The following PRMT1 variants were observed in gnomAD, a reference collection of about 807,000 sequenced individuals.
PRMT1 encodes the protein protein arginine N-methyltransferase 1.
Under a neutral mutation model 47.4 loss-of-function variants are expected in PRMT1, and 5 were observed. The ratio of observed to expected loss-of-function variants is 0.11; its 90% CI spans 0.06 to 0.22. The LOEUF is 0.22. Among genes scored for constraint, PRMT1 ranks in the 10% least tolerant of loss-of-function variants. The pLI is 1.00. For missense variants in PRMT1, 249 were observed against 518.4 expected (o/e 0.48, Z 5.05); for synonymous variants, 227 against 204.6 (o/e 1.11, Z -0.94).
At chr19:49,677,670 G>A (rs2082056803) in intron 1 of PRMT1, 1 of 198,274 alleles carries the variant, frequency 5.0e-6, no homozygotes, top group Non-Finnish European at 1.0e-5. Context: ...CCCCGCCCCC[G>A]GCCGGGGAGG....
chr19:49,680,332 T>A lies in PRMT1; in HGVS notation c.91-155T>A. On this transcript the variant is annotated intron_variant, in intron 2 of 10. Transcript: ENST00000454376. This position sits in a 1 kb window ranked among gnomAD's most constrained non-coding sequence, Gnocchi z 4.2. ...TGGGGTTGTTAGGTTTTGGGGTTCC[T>A]GGGGGGGCAAGATGGCAGGCGGGGG... 1 of 993,984 alleles carries A rather than the reference T, an allele frequency of 1.0e-6. No homozygotes were observed. The highest frequency in any genetic ancestry group is 1.7e-5 in the African/African-American group (1 of 59,826). 61.6% of individuals were successfully genotyped at this position (993,984 alleles called of 1,614,324 possible).
At position 49,680,619 on chromosome 19, in the gene PRMT1, C is replaced by T. The variant is rs2082102952; in HGVS notation, c.192+31C>T. On this transcript the variant is annotated intron_variant, in intron 3 of 10. Transcript: ENST00000454376. This position sits in a 1 kb window ranked among gnomAD's most constrained non-coding sequence, Gnocchi z 4.2. ...TGGGGACAGTCCCCAAGGCCCCAAT[C>T]TTAGGGGGGCTTAAATGTTGGGGAA... 6.7e-7 allele frequency: 1 copy of T among 1,499,410 alleles called. No individual in the cohort carries two copies. Among genetic ancestry groups the T allele is most frequent in the Non-Finnish European group, 9.3e-7 (1 of 1,076,410 alleles). The allele number at this position is 1,499,410 out of a possible 1,614,324, so 92.9% of individuals were successfully genotyped here. A position where few individuals can be genotyped will look rare whatever the true frequency, so the allele number is the denominator to read the frequency against.
chr19:49,686,875 A>C, intron 10 of PRMT1, 149 bp downstream of exon 10: 5 of 1,051,154 alleles, frequency 4.8e-6, no homozygotes, highest in East Asian at 2.7e-5. Flanking sequence ...GGGGGCGAGC[A>C]CCTCTGCCTA....
chr19:49,676,464 G>A (rs572166489), upstream of PRMT1: 1 of 152,358 alleles, frequency 6.6e-6, no homozygotes, highest in Non-Finnish European at 1.5e-5. Flanking sequence ...CAGGGGGAGG[G>A]ACTTGGCAAA....
At position 49,684,621 on chromosome 19, in the gene PRMT1, CA is replaced by C. The variant is rs1035722421; in HGVS notation, c.556-132del. 2.0e-4 allele frequency: 208 copies of C among 1,064,866 alleles called. No homozygotes were observed. The highest frequency in any genetic ancestry group is 9.9e-5 in the Non-Finnish European group (73 of 733,888). The allele number at this position is 1,064,866 out of a possible 1,614,324, so 66.0% of individuals were successfully genotyped here. ...TCTGGCGGCCGTGTGGGAAATAGAC[CA>C]GGGGGCGAGGGGTGAGTGCCGCTGC... is the stretch of plus-strand genomic sequence containing the variant. On this transcript the variant is annotated intron_variant, in intron 6 of 10. Transcript: ENST00000454376. This position sits in a 1 kb window ranked among gnomAD's most constrained non-coding sequence, Gnocchi z 6.2.
In PRMT1 at chr19:49,685,818, C is replaced by T; in HGVS notation, c.760-275C>T. 4 of 1,259,286 alleles carry T rather than the reference C, an allele frequency of 3.2e-6. No homozygotes were observed. The highest frequency in any genetic ancestry group is 4.0e-6 in the Non-Finnish European group (4 of 997,712). The allele number at this position is 1,259,286 out of a possible 1,614,324, so 78.0% of individuals were successfully genotyped here. A position where few individuals can be genotyped will look rare whatever the true frequency, so the allele number is the denominator to read the frequency against. ...GGGAGACAGTGGAGTGGGGCGCCTG[C>T]ATTCTAGGAGGTCTGGACAGAGTTA... is the stretch of plus-strand genomic sequence containing the variant. On this transcript the variant is annotated intron_variant, in intron 8 of 10. Coordinates refer to ENST00000454376, the MANE Select transcript of PRMT1 (RefSeq NM_001536.6). The surrounding 1 kb of genome is among the most constrained non-coding windows in gnomAD (Gnocchi z 4.7).
rs763604513 is a variant in PRMT1, at chr19:49,684,643, G to T, written c.556-111G>T. 19 of 1,246,720 alleles carry T rather than the reference G, an allele frequency of 1.5e-5. No homozygotes were observed. In the East Asian group the frequency reaches 4.6e-4, roughly 30 times the overall value. The allele number at this position is 1,246,720 out of a possible 1,614,324, so 77.2% of individuals were successfully genotyped here. A position where few individuals can be genotyped will look rare whatever the true frequency, so the allele number is the denominator to read the frequency against. ...GACCAGGGGGCGAGGGGTGAGTGCC[G>T]CTGCGACATGAGGGTGGCCCAGACC... is the stretch of plus-strand genomic sequence containing the variant. On this transcript the variant is annotated intron_variant, in intron 6 of 10. Transcript: ENST00000454376. This position sits in a 1 kb window ranked among gnomAD's most constrained non-coding sequence, Gnocchi z 6.2.
chr19:49,683,687 CAA>C (rs34880220), intron 5 of PRMT1: 16,504 of 222,374 alleles, frequency 0.074, 31 homozygotes, highest in East Asian at 0.1. Context: ...GACTCCGTCT[CAA>C]AAAAAAAAAA....
At chr19:49,683,839 TG>T (rs1184685762) in intron 5 of PRMT1, 87 bp from the exon 6 acceptor site, 2 of 1,475,270 alleles carry the variant, frequency 1.4e-6, no homozygotes, top group Non-Finnish European at 1.8e-6. Context: ...TGAACTGAAG[TG>T]GGGTCCCCAG....
intron 1 of PRMT1, chr19:49,679,525 G>C: frequency 1.7e-6 from 1 of 581,380 alleles, no homozygotes; most frequent in Non-Finnish European, 3.3e-6. Context: ...ATCTGGAGGA[G>C]ATTAGGTGAT....
In PRMT1 at chr19:49,685,227, G is replaced by T; in HGVS notation, c.759+190G>T. 1 of 1,514,594 alleles carries T rather than the reference G, an allele frequency of 6.6e-7. No individual in the cohort carries two copies. Among genetic ancestry groups the T allele is most frequent in the Non-Finnish European group, 8.8e-7 (1 of 1,134,338 alleles). The allele number at this position is 1,514,594 out of a possible 1,614,324, so 93.8% of individuals were successfully genotyped here. On this transcript the variant is annotated intron_variant, in intron 8 of 10. Coordinates refer to ENST00000454376, the MANE Select transcript of PRMT1 (RefSeq NM_001536.6). This position sits in a 1 kb window ranked among gnomAD's most constrained non-coding sequence, Gnocchi z 4.7. ...TTTAAATATCTTTGTGAGCGCTGCT[G>T]TGTGAGAACCATGCTTGGCACTTGG... is the stretch of plus-strand genomic sequence containing the variant.
At position 49,680,791 on chromosome 19, in the gene PRMT1, C is replaced by G. The variant is rs550682737; in HGVS notation, c.192+203C>G. Reference sequence around the variant, plus strand: ...TTAGCCTGAATCTCTGCAGGGGCCTCGCGCCGAAGGCTGGGGTGGGAGAGC... The same window carrying G: ...TTAGCCTGAATCTCTGCAGGGGCCTGGCGCCGAAGGCTGGGGTGGGAGAGC... On this transcript the variant is annotated intron_variant, in intron 3 of 10. Coordinates refer to ENST00000454376, the MANE Select transcript of PRMT1 (RefSeq NM_001536.6). The surrounding 1 kb of genome is among the most constrained non-coding windows in gnomAD (Gnocchi z 4.2). Among the ~76,000 whole-genome samples the G allele has an allele frequency of 2.6e-5, 4 of 152,236 alleles. No homozygotes were observed. The highest frequency in any genetic ancestry group is 6.5e-5 in the Admixed American group (1 of 15,290).
intron 9 of PRMT1, 109 bp downstream of exon 9, chr19:49,686,352 G>T (rs1296821485): frequency 2.1e-6 from 3 of 1,397,802 alleles, no homozygotes; most frequent in Non-Finnish European, 2.9e-6. Context: ...GGGGACACGC[G>T]TGTTCCAGTG....
Position 49,680,058 on chromosome 19 carries a change from A to G in PRMT1, c.90+133A>G. ...ACCAGTTTACCCCAGGCCCCCAGAC[A>G]CTTAGTAGCAACCCCTCCAGGTTCA... is the stretch of plus-strand genomic sequence containing the variant. On this transcript the variant is annotated intron_variant, in intron 2 of 10. Transcript: ENST00000454376. This position sits in a 1 kb window ranked among gnomAD's most constrained non-coding sequence, Gnocchi z 4.2. The G allele has an allele frequency of 8.8e-7, 1 of 1,137,066 alleles. No individual in the cohort carries two copies. The highest frequency in any genetic ancestry group is 1.3e-6 in the Non-Finnish European group (1 of 775,090). The allele number at this position is 1,137,066 out of a possible 1,614,324, so 70.4% of individuals were successfully genotyped here.
Position 49,680,210 on chromosome 19 carries a change from G to C in PRMT1, c.91-277G>C, listed in dbSNP as rs1279529115. Reference sequence around the variant, plus strand: ...CCCTCCCCAGCTGTGGGCTGAGCTAGAGACGGGGTCAGAGAGACTGGAGAG... The same window carrying C: ...CCCTCCCCAGCTGTGGGCTGAGCTACAGACGGGGTCAGAGAGACTGGAGAG... On this transcript the variant is annotated intron_variant, in intron 2 of 10. Transcript: ENST00000454376. This position sits in a 1 kb window ranked among gnomAD's most constrained non-coding sequence, Gnocchi z 4.2. The C allele has an allele frequency of 2.5e-6, 4 of 1,599,078 alleles. No homozygotes were observed. The highest frequency in any genetic ancestry group is 1.7e-6 in the Non-Finnish European group (2 of 1,170,918).
rs2082188922 is a variant in PRMT1, at chr19:49,685,322, C to T, written c.759+285C>T. 3.0e-6 allele frequency: 4 copies of T among 1,352,412 alleles called. No homozygotes were observed. Among genetic ancestry groups the T allele is most frequent in the African/African-American group, 2.9e-5 (2 of 68,058 alleles). 83.8% of individuals were successfully genotyped at this position (1,352,412 alleles called of 1,614,324 possible). ...GCCCATGCACGGAAAGGCAGGACCC[C>T]AGGGCGATGAGCGGATGCACATGCA... is the stretch of plus-strand genomic sequence containing the variant. On this transcript the variant is annotated intron_variant, in intron 8 of 10. Coordinates refer to ENST00000454376, the MANE Select transcript of PRMT1 (RefSeq NM_001536.6). This position sits in a 1 kb window ranked among gnomAD's most constrained non-coding sequence, Gnocchi z 4.7.
Position 49,688,099 on chromosome 19 carries a change from G to A in PRMT1, c.1033-63G>A. ...CGGCTCATCGTCGCATAGCCTGCCT[G>A]CACCCGCCCCCCGCCACCACCTCCT... On this transcript the variant is annotated intron_variant, in intron 10 of 10. Transcript: ENST00000454376. This position sits in a 1 kb window ranked among gnomAD's most constrained non-coding sequence, Gnocchi z 5.3. The A allele has an allele frequency of 7.0e-7, 1 of 1,426,828 alleles. No individual in the cohort carries two copies. The highest frequency in any genetic ancestry group is 9.9e-7 in the Non-Finnish European group (1 of 1,011,402). 88.4% of individuals were successfully genotyped at this position (1,426,828 alleles called of 1,614,324 possible). A position where few individuals can be genotyped will look rare whatever the true frequency, so the allele number is the denominator to read the frequency against.
rs1254759941 is a variant in PRMT1 at position 49,688,346 on chromosome 19, AG to A, written c.*105del. 1.8e-5 allele frequency: 20 copies of A among 1,124,214 alleles called. No homozygotes were observed. The highest frequency in any genetic ancestry group is 2.7e-5 in the Non-Finnish European group (20 of 752,872). The allele number at this position is 1,124,214 out of a possible 1,614,324, so 69.6% of individuals were successfully genotyped here. A position where few individuals can be genotyped will look rare whatever the true frequency, so the allele number is the denominator to read the frequency against. On this transcript the variant is annotated 3_prime_UTR_variant, in exon 11 of 11. Transcript: ENST00000454376. This position sits in a 1 kb window ranked among gnomAD's most constrained non-coding sequence, Gnocchi z 5.3. ...CCTCCCTCCCGCAGAAGGGGGTTTT[AG>A]GGGCCTGGGCTGGGGGGATGGGGAG...
At position 49,687,020 on chromosome 19, in the gene PRMT1, G is replaced by A. The variant is rs150672981; in HGVS notation, c.1032+294G>A. Among the ~76,000 whole-genome samples, 175 of 152,206 alleles carry A rather than the reference G, an allele frequency of 1.1e-3. 1 individual carries two copies. In the East Asian group the frequency reaches 0.021, roughly 18 times the overall value. ...TGGTGCTTCCACTCTAGACAAGGGGGTCAGTGACATGGTGATGCCAGTTGG... is the reference window on the plus strand; with the variant it reads ...TGGTGCTTCCACTCTAGACAAGGGGATCAGTGACATGGTGATGCCAGTTGG... On this transcript the variant is annotated intron_variant, in intron 10 of 10. Coordinates refer to ENST00000454376, the MANE Select transcript of PRMT1 (RefSeq NM_001536.6).
Sources: allele counts gnomAD v4.1 joint callset (sites outside exome capture counted in the v4.1 genomes callset), GRCh38; gene constraint gnomAD v4.1.1; non-coding constraint Gnocchi (gnomAD v3.1); transcripts MANE v1.5; gene names NCBI Gene and HGNC (gene_info 2026-07-23, HGNC 2026-07-21).